The following KIAA1671 variants were observed in gnomAD, a reference collection of about 807,000 sequenced individuals.
The protein encoded by KIAA1671 is uncharacterized protein KIAA1671.
Under a neutral mutation model 131.2 loss-of-function variants are expected in KIAA1671, and 52 were observed. The observed-to-expected ratio is 0.40, with a 90% CI of 0.32 to 0.50. The LOEUF (loss-of-function observed/expected upper bound fraction) is 0.50, where lower values mean the gene tolerates loss of function less well. KIAA1671 is among the 20% of genes least tolerant of loss of function. The probability of loss-of-function intolerance (pLI) is 0.73; values close to 1 mark genes in which losing one functional copy is unlikely to be tolerated. For missense variants in KIAA1671, 2,360 were observed against 2,364.2 expected (o/e 1.00, Z 0.04); for synonymous variants, 1,003 against 961.6 (o/e 1.04, Z -0.80).
chr22:25,188,115 G>T (rs1016046817), intron 11 of KIAA1671, among the ~76,000 whole-genome samples: 17 of 152,090 alleles, frequency 1.1e-4, no homozygotes, highest in African/African-American at 3.6e-4. Flanking sequence ...CCTGGCTAAC[G>T]CAGTGAAACC....
intron 1 of KIAA1671, among the ~76,000 whole-genome samples, chr22:24,986,453 GT>G (rs1239118034): frequency 1.3e-5 from 2 of 151,662 alleles, no homozygotes; most frequent in Non-Finnish European, 2.9e-5. Flanking sequence ...CATGTAAGTA[GT>G]TACTATCTAC....
intron 1 of KIAA1671, among the ~76,000 whole-genome samples, chr22:25,003,570 C>T (rs1430819227): frequency 6.6e-6 from 1 of 152,034 alleles, no homozygotes; most frequent in East Asian, 1.9e-4. Flanking sequence ...TGCCACTACG[C>T]CTGGCTAATT....
chr22:25,180,836 T>C (rs1434352861), intron 9 of KIAA1671, among the ~76,000 whole-genome samples: 1 of 152,214 alleles, frequency 6.6e-6, no homozygotes, highest in Non-Finnish European at 1.5e-5. Flanking sequence ...CTCTGCACTT[T>C]CTTGGTTTTC....
At chr22:25,127,341 G>A (rs78599301) in intron 6 of KIAA1671, among the ~76,000 whole-genome samples, 2 of 152,304 alleles carry the variant, frequency 1.3e-5, no homozygotes, top group Non-Finnish European at 2.9e-5. Context: ...TGACGGAACC[G>A]TGGCACAGGC....
chr22:25,089,630 T>C (rs1057387641), intron 6 of KIAA1671, among the ~76,000 whole-genome samples: 8 of 152,214 alleles, frequency 5.3e-5, no homozygotes, highest in African/African-American at 1.7e-4. Flanking sequence ...ATCAATGTCC[T>C]GACTTTTCTT....
chr22:24,994,636 C>G (rs995210409), intron 1 of KIAA1671, among the ~76,000 whole-genome samples: 4 of 152,046 alleles, frequency 2.6e-5, no homozygotes, highest in African/African-American at 4.8e-5. Context: ...AGAGGGCGAC[C>G]GTGGCTCAGG....
intron 6 of KIAA1671, among the ~76,000 whole-genome samples, chr22:25,096,089 G>A (rs1205364074): frequency 6.6e-6 from 1 of 152,208 alleles, no homozygotes; most frequent in African/African-American, 2.4e-5. Flanking sequence ...TCTGTGATGA[G>A]TCGGGGAGAA....
rs557210877 is a variant in KIAA1671, at chr22:25,123,918, A to T, written c.4531-46902A>T. Among the ~76,000 whole-genome samples, 179 of 152,370 alleles carry T rather than the reference A, an allele frequency of 1.2e-3. 3 individuals carry two copies. In the South Asian group the frequency reaches 0.031, roughly 26 times the overall value. On this transcript the variant is annotated intron_variant, in intron 6 of 12. Coordinates refer to ENST00000358431, the MANE Select transcript of KIAA1671 (RefSeq NM_001145206.2). ...TCTTCTCACTTACGCTTGTGGAAAT[A>T]GTCCAAGGATGGCCAGGGAGTATTA...
intron 6 of KIAA1671, among the ~76,000 whole-genome samples, chr22:25,092,069 G>C (rs1344100577): frequency 1.3e-5 from 2 of 152,146 alleles, no homozygotes; most frequent in Non-Finnish European, 2.9e-5. Context: ...TAGTCACCAA[G>C]CATCAGAGGG....
chr22:25,115,507 A>G (rs551414095), intron 6 of KIAA1671, among the ~76,000 whole-genome samples: 83 of 152,258 alleles, frequency 5.5e-4, no homozygotes, highest in African/African-American at 2.0e-3. Context: ...GGGTGGTTCA[A>G]TGGGACAGAG....
At chr22:25,164,692 G>A (rs1190917665) in intron 6 of KIAA1671, among the ~76,000 whole-genome samples, 1 of 152,194 alleles carries the variant, frequency 6.6e-6, no homozygotes, top group Non-Finnish European at 1.5e-5. Flanking sequence ...GCTCATGCCT[G>A]TAATCCCAGC....
At chr22:25,094,802 A>G (rs958364011) in intron 6 of KIAA1671, among the ~76,000 whole-genome samples, 33 of 152,270 alleles carry the variant, frequency 2.2e-4, no homozygotes, top group African/African-American at 6.0e-4. Context: ...TTGTGTTTTC[A>G]TGAGCACAGC....
intron 6 of KIAA1671, among the ~76,000 whole-genome samples, chr22:25,154,378 C>A (rs1193659119): frequency 6.6e-6 from 1 of 152,234 alleles, no homozygotes; most frequent in Non-Finnish European, 1.5e-5. Flanking sequence ...TTGCTCATTC[C>A]TCCTCAGGAC....
chr22:25,107,189 G>A (rs1334098002), intron 6 of KIAA1671, among the ~76,000 whole-genome samples: 1 of 152,218 alleles, frequency 6.6e-6, no homozygotes, highest in African/African-American at 2.4e-5. Context: ...GAGATCAGGA[G>A]ATCAAGACCA....
At chr22:25,034,594 T>C (rs1926487271) in intron 4 of KIAA1671, among the ~76,000 whole-genome samples, 1 of 152,196 alleles carries the variant, frequency 6.6e-6, no homozygotes, top group Non-Finnish European at 1.5e-5. Flanking sequence ...ACAATTCGTT[T>C]ATCCATTCAC....
At chr22:25,032,779 G>C in intron 4 of KIAA1671, 83 bp downstream of exon 4, 1 of 815,904 alleles carries the variant, frequency 1.2e-6, no homozygotes, top group Non-Finnish European at 1.9e-6. Flanking sequence ...TGATCTTCTA[G>C]GCCCCAGGAA....
intron 6 of KIAA1671, among the ~76,000 whole-genome samples, chr22:25,128,966 A>G (rs1476917689): frequency 6.6e-6 from 1 of 152,164 alleles, no homozygotes; most frequent in Non-Finnish European, 1.5e-5. Flanking sequence ...CTGATGTTGG[A>G]CGTTACTTAA....
At chr22:24,957,899 A>T (rs930228336) in intron 1 of KIAA1671, among the ~76,000 whole-genome samples, 1 of 150,262 alleles carries the variant, frequency 6.7e-6, no homozygotes, top group Non-Finnish European at 1.5e-5. Context: ...GCTGGTCTCG[A>T]ACTCTCGACC....
intron 1 of KIAA1671, among the ~76,000 whole-genome samples, chr22:25,005,360 A>G (rs1037424598): frequency 2.0e-4 from 31 of 151,736 alleles, no homozygotes; most frequent in African/African-American, 7.2e-4. Flanking sequence ...AAAAAAAAAA[A>G]AAAAGAAAAA....
Sources: gnomAD v4.1 joint callset for allele counts (sites outside exome capture counted in the v4.1 genomes callset) on GRCh38, gnomAD v4.1.1 for gene constraint, MANE v1.5 for transcripts, NCBI Gene and HGNC (gene_info 2026-07-23, HGNC 2026-07-21) for gene names.